MDGA1: variants seen among roughly 807,000 people sequenced by gnomAD.
MDGA1 encodes MAM domain containing glycosylphosphatidylinositol anchor 1.
In MDGA1, 54 loss-of-function variants were observed where a neutral mutation model predicts 101.5. The ratio of observed to expected loss-of-function variants is 0.53; its 90% CI spans 0.43 to 0.67. The LOEUF is 0.67. Ranked by LOEUF, MDGA1 falls within the 30% of genes least tolerant of loss-of-function variation. MDGA1 has a pLI of 0.00. For synonymous variants in MDGA1, 533 were observed against 558.3 expected, an observed-to-expected ratio of 0.95 and a Z score of 0.64; for missense variants, 1,083 against 1,323.8, an observed-to-expected ratio of 0.82 and a Z score of 2.82.
intron 1 of MDGA1, among the ~76,000 whole-genome samples, chr6:37,676,250 GACAC>G (rs1474572688): frequency 2.6e-5 from 4 of 152,248 alleles, no homozygotes; most frequent in African/African-American, 9.6e-5. Flanking sequence ...TAGGACCGGA[GACAC>G]ACTGCCAGAT....
chr6:37,687,515 G>A (rs1444055230), intron 1 of MDGA1, among the ~76,000 whole-genome samples: 1 of 152,120 alleles, frequency 6.6e-6, no homozygotes, highest in Non-Finnish European at 1.5e-5. Flanking sequence ...GCTGCAGTGA[G>A]CTATGATCAC....
At position 37,696,843 on chromosome 6, in the gene MDGA1, G is replaced by A. The variant is rs967611693; in HGVS notation, c.-32C>T. 16 of 1,550,140 alleles carry A rather than the reference G, an allele frequency of 1.0e-5. No homozygotes were observed. The highest frequency in any genetic ancestry group is 6.8e-5 in the African/African-American group (5 of 73,234). On this transcript the variant is annotated 5_prime_UTR_variant, in exon 1 of 17. Transcript: ENST00000434837. This position sits in a 1 kb window ranked among gnomAD's most constrained non-coding sequence, Gnocchi z 5.6. ...GGCCGGTGCTTCATCCCCGCGAGGC[G>A]GCGCAGCCCGAGAGGCGGCGGGGGG...
rs186467808 is a variant in MDGA1 at position 37,685,746 on chromosome 6, G to A, written c.67+10999C>T. Reference sequence around the variant, plus strand: ...GCGCTGGCAGACGGGAAGCTGGTGGGACTGTCACTTGAATGTCTGGGTGAC... The same window carrying A: ...GCGCTGGCAGACGGGAAGCTGGTGGAACTGTCACTTGAATGTCTGGGTGAC... On this transcript the variant is annotated intron_variant, in intron 1 of 16. Transcript: ENST00000434837. 1.7e-3 allele frequency among the ~76,000 whole-genome samples: 257 copies of A among 152,286 alleles called. 2 individuals are homozygous for A. Among genetic ancestry groups the A allele is most frequent in the African/African-American group, 6.0e-3 (251 of 41,552 alleles).
In MDGA1 at chr6:37,633,652, A is replaced by G. The variant is rs1245594952; in HGVS notation, c.*3716T>C. 10 of 152,316 alleles carry G rather than the reference A, an allele frequency of 6.6e-5. No homozygotes were observed. Among genetic ancestry groups the G allele is most frequent in the Admixed American group, 5.9e-4 (9 of 15,288 alleles). 9.4% of individuals were successfully genotyped at this position (152,316 alleles called of 1,614,324 possible). On this transcript the variant is annotated 3_prime_UTR_variant, in exon 17 of 17. Coordinates refer to ENST00000434837, the MANE Select transcript of MDGA1 (RefSeq NM_153487.4). Reference sequence around the variant, plus strand: ...GGCACCCAGGCCTGTCATGGGGCAGAAGGGTCTGCAGCCTGGGATGAGAGG... The same window carrying G: ...GGCACCCAGGCCTGTCATGGGGCAGGAGGGTCTGCAGCCTGGGATGAGAGG...
intron 1 of MDGA1, among the ~76,000 whole-genome samples, chr6:37,676,823 G>C (rs1761989358): frequency 2.6e-5 from 4 of 151,858 alleles, no homozygotes; most frequent in Admixed American, 2.6e-4. Flanking sequence ...CTTGAAGCCG[G>C]GAGGCAGAGG....
Position 37,697,007 on chromosome 6 carries a change from C to T in MDGA1, c.-196G>A. 1 of 553,462 alleles carries T rather than the reference C, an allele frequency of 1.8e-6. No individual in the cohort carries two copies. Among genetic ancestry groups the T allele is most frequent in the East Asian group, 3.1e-5 (1 of 32,278 alleles). 34.3% of individuals were successfully genotyped at this position (553,462 alleles called of 1,614,324 possible). ...TGTTTCTCCTCCGGCGGGGCCGCTG[C>T]CCGCGTGGGGACGCAGGGGGCGCTG... On this transcript the variant is annotated 5_prime_UTR_variant, in exon 1 of 17. Transcript: ENST00000434837.
At chr6:37,657,939 G>A (rs1307162193) in intron 3 of MDGA1, among the ~76,000 whole-genome samples, 3 of 152,168 alleles carry the variant, frequency 2.0e-5, no homozygotes, top group Non-Finnish European at 4.4e-5. Context: ...AGGCTACCCC[G>A]CTCCATGCCT....
intron 6 of MDGA1, 65 bp downstream of exon 6, chr6:37,654,209 C>T (rs1334867694): frequency 3.4e-6 from 5 of 1,469,400 alleles, no homozygotes; most frequent in African/African-American, 1.4e-5. Flanking sequence ...TCATTGGTAG[C>T]TCCCAAAGAC....
chr6:37,656,328 G>A (rs985678912), intron 3 of MDGA1, among the ~76,000 whole-genome samples: 5 of 151,046 alleles, frequency 3.3e-5, no homozygotes, highest in African/African-American at 1.2e-4. Context: ...TGCCCACCTC[G>A]GCCTCCCAAA....
chr6:37,657,154 C>T (rs1323382324), intron 3 of MDGA1, among the ~76,000 whole-genome samples: 1 of 95,354 alleles, frequency 1.0e-5, no homozygotes, highest in East Asian at 6.9e-4. Context: ...GATTAATCCT[C>T]ACTTTAAAAA....
chr6:37,672,439 A>G (rs1351259800), intron 1 of MDGA1, among the ~76,000 whole-genome samples: 2 of 152,210 alleles, frequency 1.3e-5, no homozygotes, highest in South Asian at 2.1e-4. Flanking sequence ...ACCCCTATCA[A>G]AAAAACAAAA....
chr6:37,652,849 A>G lies in MDGA1; in HGVS notation c.983-509T>C, dbSNP rs543904777. ...CACATTTGGAAGCATGCACTAGAAT[A>G]TAACAGTGGTTCTATCTAGAGAGTG... On this transcript the variant is annotated intron_variant, in intron 6 of 16. Transcript: ENST00000434837. The surrounding 1 kb of genome is among the most constrained non-coding windows in gnomAD (Gnocchi z 4.3). 1.3e-5 allele frequency among the ~76,000 whole-genome samples: 2 copies of G among 152,384 alleles called. No individual in the cohort carries two copies. The highest frequency in any genetic ancestry group is 4.1e-4 in the South Asian group (2 of 4,834).
At chr6:37,689,903 T>A (rs1762273791) in intron 1 of MDGA1, among the ~76,000 whole-genome samples, 1 of 152,220 alleles carries the variant, frequency 6.6e-6, no homozygotes, top group African/African-American at 2.4e-5. Flanking sequence ...CCATCTATTC[T>A]CTACATGACA....
intron 2 of MDGA1, among the ~76,000 whole-genome samples, chr6:37,659,309 A>G (rs1241251706): frequency 2.0e-5 from 3 of 152,244 alleles, no homozygotes; most frequent in Non-Finnish European, 2.9e-5. Flanking sequence ...GCAGTAATAC[A>G]TGATTAATAC....
At chr6:37,690,862 G>A (rs866714433) in intron 1 of MDGA1, among the ~76,000 whole-genome samples, 10 of 150,994 alleles carry the variant, frequency 6.6e-5, no homozygotes, top group African/African-American at 2.2e-4. Context: ...AACAGCTCAC[G>A]AACTCCTCAC....
At chr6:37,662,414 G>C (rs377041665) in intron 2 of MDGA1, among the ~76,000 whole-genome samples, 2 of 152,032 alleles carry the variant, frequency 1.3e-5, no homozygotes, top group African/African-American at 4.8e-5. Context: ...AAGAGTTCTA[G>C]GCTTGAAGCC....
At chr6:37,651,865 G>T in intron 7 of MDGA1, 146 bp downstream of exon 7, 1 of 663,686 alleles carries the variant, frequency 1.5e-6, no homozygotes, top group Non-Finnish European at 2.5e-6. Context: ...CATATTAACA[G>T]GGACTCAATA....
chr6:37,639,883 C>T (rs963869682), intron 14 of MDGA1: 4 of 152,116 alleles, frequency 2.6e-5, no homozygotes, highest in African/African-American at 9.7e-5. Flanking sequence ...TCTTCATGAA[C>T]CCTGAGGTCC....
chr6:37,675,458 G>GGATGCTTT (rs1394289712), intron 1 of MDGA1, among the ~76,000 whole-genome samples: 1 of 152,110 alleles, frequency 6.6e-6, no homozygotes, highest in African/African-American at 2.4e-5. Context: ...ATATAGCCCA[G>GGATGCTTT]GATGCTTTGG....
Sources: gnomAD v4.1 joint callset for allele counts (sites outside exome capture counted in the v4.1 genomes callset) on GRCh38, gnomAD v4.1.1 for gene constraint, Gnocchi (gnomAD v3.1) non-coding constraint, MANE v1.5 for transcripts, NCBI Gene and HGNC (gene_info 2026-07-23, HGNC 2026-07-21) for gene names.